The following PTPRD variants were observed in gnomAD, a reference collection of about 807,000 sequenced individuals.
The protein encoded by PTPRD is receptor-type tyrosine-protein phosphatase delta.
PTPRD carries 34 observed loss-of-function variants against 214.5 expected under a neutral mutation model. The observed-to-expected ratio is 0.16, with a 90% CI of 0.12 to 0.21. PTPRD has a LOEUF of 0.21. PTPRD is among the 10% of genes least tolerant of loss of function. The pLI is 1.00. For missense variants in PTPRD, 2,545 were observed against 2,398.7 expected (o/e 1.06, Z -1.27); for synonymous variants, 1,128 against 845.7 (o/e 1.33, Z -5.79).
chr9:9,497,555 G>T (rs1333092827), intron 8 of PTPRD, among the ~76,000 whole-genome samples: 1 of 152,068 alleles, frequency 6.6e-6, no homozygotes, highest in Non-Finnish European at 1.5e-5. Context: ...TAAAATAAGG[G>T]TGTTTACGAA....
chr9:9,948,888 C>G (rs2093123475), intron 4 of PTPRD, among the ~76,000 whole-genome samples: 1 of 151,842 alleles, frequency 6.6e-6, no homozygotes, highest in South Asian at 2.1e-4. Context: ...ATATGGCAGT[C>G]AAATTTTGAG....
chr9:10,479,658 T>TAAATAAACAAAC (rs141946645), intron 2 of PTPRD, among the ~76,000 whole-genome samples: 29,688 of 145,258 alleles, frequency 0.2, 3,719 homozygotes, highest in Non-Finnish European at 0.29. Flanking sequence ...AATAAATAAA[T>TAAATAAACAAAC]AAACAAAAAT....
At chr9:8,745,711 T>G (rs142620949) in intron 11 of PTPRD, among the ~76,000 whole-genome samples, 2 of 152,318 alleles carry the variant, frequency 1.3e-5, no homozygotes, top group African/African-American at 4.8e-5. Context: ...ACGAATAACA[T>G]GCAGACACAT....
intron 3 of PTPRD, among the ~76,000 whole-genome samples, chr9:10,144,871 T>G (rs2099011752): frequency 6.6e-6 from 1 of 152,112 alleles, no homozygotes; most frequent in Non-Finnish European, 1.5e-5. Flanking sequence ...TACTGATTTT[T>G]TTTATTAGCC....
intron 33 of PTPRD, chr9:8,454,622 AAAAG>A (rs2096107204): frequency 1.9e-6 from 3 of 1,611,322 alleles, no homozygotes; most frequent in Non-Finnish European, 2.5e-6. Flanking sequence ...AAAAAAAGGA[AAAAG>A]AAAGGCTAAA....
chr9:9,813,567 T>C (rs1207270320), intron 5 of PTPRD, among the ~76,000 whole-genome samples: 3 of 151,882 alleles, frequency 2.0e-5, no homozygotes, highest in African/African-American at 4.8e-5. Flanking sequence ...AACTGAGTAA[T>C]GAAGAAATAG....
intron 5 of PTPRD, among the ~76,000 whole-genome samples, chr9:9,888,686 A>T (rs1443354697): frequency 6.6e-6 from 1 of 152,150 alleles, no homozygotes; most frequent in Non-Finnish European, 1.5e-5. Flanking sequence ...CCCTCAGCAG[A>T]TACAGATTCT....
At chr9:10,402,836 A>G (rs1477909130) in intron 2 of PTPRD, among the ~76,000 whole-genome samples, 1 of 151,678 alleles carries the variant, frequency 6.6e-6, no homozygotes, top group Non-Finnish European at 1.5e-5. Context: ...TCTTTCTTTC[A>G]AAACCATGAA....
intron 9 of PTPRD, among the ~76,000 whole-genome samples, chr9:9,272,463 C>T (rs1028725911): frequency 6.6e-6 from 1 of 151,264 alleles, no homozygotes; most frequent in African/African-American, 2.4e-5. Flanking sequence ...ACAAAGACCT[C>T]TTAATCACAC....
chr9:9,521,485 T>C (rs1334049574), intron 8 of PTPRD, among the ~76,000 whole-genome samples: 2 of 152,170 alleles, frequency 1.3e-5, no homozygotes, highest in East Asian at 3.9e-4. Context: ...ATCTGCATCT[T>C]GAAACTGGAA....
At chr9:10,195,195 G>C (rs1018844966) in intron 3 of PTPRD, among the ~76,000 whole-genome samples, 1 of 147,714 alleles carries the variant, frequency 6.8e-6, no homozygotes, top group Non-Finnish European at 1.5e-5. Flanking sequence ...ATTTGTAACA[G>C]GATGAATAAA....
chr9:10,207,185 A>G (rs79468916), intron 3 of PTPRD, among the ~76,000 whole-genome samples: 2 of 152,242 alleles, frequency 1.3e-5, no homozygotes, highest in African/African-American at 2.4e-5. Flanking sequence ...TCCTCACTCC[A>G]TAAGAAATTA....
chr9:10,231,989 A>AGAGAGAGAGAGTGTGTGTGTGTGTGT (rs1245284728), intron 3 of PTPRD, among the ~76,000 whole-genome samples: 7 of 92,498 alleles, frequency 7.6e-5, no homozygotes, highest in African/African-American at 2.6e-4. Flanking sequence ...AGAGAGAGAG[A>AGAGAGAGAGAGTGTGTGTGTGTGTGT]GTGTGTGTGT....
At chr9:10,482,855 C>A (rs928566727) in intron 2 of PTPRD, among the ~76,000 whole-genome samples, 31 of 152,142 alleles carry the variant, frequency 2.0e-4, no homozygotes, top group African/African-American at 6.3e-4. Flanking sequence ...GAAATGACCA[C>A]ACTTCCAAAA....
chr9:9,872,400 G>T (rs753941037), intron 5 of PTPRD, among the ~76,000 whole-genome samples: 4 of 151,520 alleles, frequency 2.6e-5, no homozygotes, highest in Non-Finnish European at 5.9e-5. Flanking sequence ...AGGAGTTTGA[G>T]ACAAGCCTAA....
chr9:9,418,616 T>C (rs975075735), intron 8 of PTPRD, among the ~76,000 whole-genome samples: 1 of 152,018 alleles, frequency 6.6e-6, no homozygotes, highest in East Asian at 1.9e-4. Flanking sequence ...CAGCAAGATG[T>C]TGTGAAGTTT....
At chr9:8,908,555 A>G (rs188068249) in intron 11 of PTPRD, among the ~76,000 whole-genome samples, 52 of 152,182 alleles carry the variant, frequency 3.4e-4, no homozygotes, top group Admixed American at 1.3e-3. Context: ...AATGAAAATA[A>G]CAACACAACA....
chr9:9,895,834 G>C (rs1369312673), intron 5 of PTPRD, among the ~76,000 whole-genome samples: 1 of 151,924 alleles, frequency 6.6e-6, no homozygotes, highest in Non-Finnish European at 1.5e-5. Context: ...TTATACACTT[G>C]GTTTTTTATA....
At chr9:9,178,730 C>T (rs1463912331) in intron 10 of PTPRD, among the ~76,000 whole-genome samples, 1 of 152,004 alleles carries the variant, frequency 6.6e-6, no homozygotes, top group Non-Finnish European at 1.5e-5. Flanking sequence ...TAAATCATTT[C>T]AATAAGTCCT....
Sources: gnomAD v4.1 joint callset for allele counts (sites outside exome capture counted in the v4.1 genomes callset) on GRCh38, gnomAD v4.1.1 for gene constraint, MANE v1.5 for transcripts, NCBI Gene and HGNC (gene_info 2026-07-23, HGNC 2026-07-21) for gene names.